Variants in PPP2R2B observed in about 807,000 individuals in gnomAD.
The protein encoded by PPP2R2B is protein phosphatase 2 regulatory subunit Bbeta.
Under a neutral mutation model 46.0 loss-of-function variants are expected in PPP2R2B, and 5 were observed. The ratio of observed to expected loss-of-function variants is 0.11; its 90% CI spans 0.06 to 0.23. The LOEUF is 0.23. Ranked by LOEUF, PPP2R2B falls within the 10% of genes least tolerant of loss-of-function variation. The pLI is 1.00. For missense variants in PPP2R2B, 367 were observed against 575.0 expected (o/e 0.64, Z 3.70); for synonymous variants, 215 against 206.7 (o/e 1.04, Z -0.34).
At chr5:146,797,371 C>T (rs1756604017) in intron 2 of PPP2R2B, among the ~76,000 whole-genome samples, 2 of 152,292 alleles carry the variant, frequency 1.3e-5, no homozygotes, top group Admixed American at 6.5e-5. Flanking sequence ...TTTGATTATG[C>T]AGTGGTTTTG....
At chr5:146,848,147 T>TA (rs1222152204) in intron 2 of PPP2R2B, among the ~76,000 whole-genome samples, 3 of 152,204 alleles carry the variant, frequency 2.0e-5, no homozygotes, top group Non-Finnish European at 4.4e-5. Flanking sequence ...TAGTTTTTTT[T>TA]ATCTTATTAA....
At chr5:146,910,623 C>T (rs1027571553) in intron 1 of PPP2R2B, among the ~76,000 whole-genome samples, 9 of 152,170 alleles carry the variant, frequency 5.9e-5, no homozygotes, top group Admixed American at 5.2e-4. Flanking sequence ...AAATAATTCA[C>T]TTAAGCACTT....
chr5:146,692,650 C>T (rs1011484625), intron 4 of PPP2R2B, among the ~76,000 whole-genome samples: 13 of 150,960 alleles, frequency 8.6e-5, no homozygotes, highest in African/African-American at 3.2e-4. Context: ...TCTCCTACCT[C>T]AGCCTCCTGA....
At chr5:146,892,993 C>T (rs561491126) in intron 1 of PPP2R2B, among the ~76,000 whole-genome samples, 138 of 152,228 alleles carry the variant, frequency 9.1e-4, no homozygotes, top group Non-Finnish European at 1.7e-3. Flanking sequence ...TTTCTGTCAC[C>T]CCTTTCACAA....
At chr5:146,723,799 T>C (rs921912525) in intron 2 of PPP2R2B, among the ~76,000 whole-genome samples, 1 of 152,092 alleles carries the variant, frequency 6.6e-6, no homozygotes, top group African/African-American at 2.4e-5. Context: ...TTTCTTACCC[T>C]AAATGTTTAT....
intron 1 of PPP2R2B, among the ~76,000 whole-genome samples, chr5:146,993,839 T>C (rs1753809466): frequency 1.3e-5 from 2 of 152,072 alleles, no homozygotes; most frequent in African/African-American, 4.8e-5. Flanking sequence ...AAGTCACATA[T>C]AAACTAGATT....
chr5:146,764,156 T>A (rs1305967416), intron 2 of PPP2R2B, among the ~76,000 whole-genome samples: 1 of 152,090 alleles, frequency 6.6e-6, no homozygotes, highest in African/African-American at 2.4e-5. Context: ...AAGGACTTCA[T>A]GGAGCCAGCC....
At chr5:146,896,217 T>C (rs1384166232) in intron 1 of PPP2R2B, among the ~76,000 whole-genome samples, 1 of 152,202 alleles carries the variant, frequency 6.6e-6, no homozygotes, top group East Asian at 1.9e-4. Flanking sequence ...CATAATCAAA[T>C]CATCCACAAT....
At chr5:146,914,764 A>T (rs1763317629) in intron 1 of PPP2R2B, among the ~76,000 whole-genome samples, 1 of 152,232 alleles carries the variant, frequency 6.6e-6, no homozygotes, top group African/African-American at 2.4e-5. Context: ...TTCTTTGGCT[A>T]CATAATGTAG....
chr5:147,066,458 A>C (rs1580877974), intron 2 of PPP2R2B, among the ~76,000 whole-genome samples: 1 of 152,310 alleles, frequency 6.6e-6, no homozygotes, highest in East Asian at 1.9e-4. Context: ...ATACTCATAT[A>C]GCAGATTTGC....
chr5:147,027,520 C>T (rs559033398), intron 1 of PPP2R2B, among the ~76,000 whole-genome samples: 1 of 151,842 alleles, frequency 6.6e-6, no homozygotes, highest in Admixed American at 6.6e-5. Flanking sequence ...GCAATCCCAG[C>T]TACTTTGGAG....
At chr5:147,003,925 A>G (rs1027899186) in intron 1 of PPP2R2B, among the ~76,000 whole-genome samples, 1 of 152,164 alleles carries the variant, frequency 6.6e-6, no homozygotes, top group Admixed American at 6.5e-5. Flanking sequence ...AGATAAATTT[A>G]TTACCCAATC....
At chr5:146,849,481 G>T (rs1473824446) in intron 2 of PPP2R2B, among the ~76,000 whole-genome samples, 4 of 152,118 alleles carry the variant, frequency 2.6e-5, no homozygotes, top group African/African-American at 9.7e-5. Context: ...CCCAAGTATA[G>T]TGCTTGGCAC....
In PPP2R2B at chr5:146,889,642, C is replaced by A. The variant is rs183146350; in HGVS notation, c.79+166023G>T. 1.1e-4 allele frequency among the ~76,000 whole-genome samples: 16 copies of A among 152,222 alleles called. No homozygotes were observed. In the East Asian group the frequency reaches 3.1e-3, roughly 29 times the overall value. On this transcript the variant is annotated intron_variant, in intron 1 of 8. Transcript: ENST00000336640. Reference sequence around the variant, plus strand: ...CTCCCAGGCTTTGCCTTATGCATCTCTTTCTTTGGTTTATTTTAATCTGTA... The same window carrying A: ...CTCCCAGGCTTTGCCTTATGCATCTATTTCTTTGGTTTATTTTAATCTGTA...
At chr5:146,931,664 TG>T (rs1763974066) in intron 1 of PPP2R2B, among the ~76,000 whole-genome samples, 1 of 152,148 alleles carries the variant, frequency 6.6e-6, no homozygotes. Flanking sequence ...TTAGCAGGTA[TG>T]GGAAAAACCT....
At chr5:146,978,046 T>C (rs1752998932) in intron 1 of PPP2R2B, among the ~76,000 whole-genome samples, 1 of 152,216 alleles carries the variant, frequency 6.6e-6, no homozygotes, top group Non-Finnish European at 1.5e-5. Flanking sequence ...TGTTGTTTCC[T>C]GACTTTTTAA....
intron 2 of PPP2R2B, among the ~76,000 whole-genome samples, chr5:146,848,618 T>A (rs1468178757): frequency 6.6e-6 from 1 of 152,118 alleles, no homozygotes; most frequent in Non-Finnish European, 1.5e-5. Flanking sequence ...GGTACCTATA[T>A]CAACATGCCT....
chr5:146,976,158 G>T (rs2086374), intron 1 of PPP2R2B, among the ~76,000 whole-genome samples: 70,949 of 146,734 alleles, frequency 0.48, 18,368 homozygotes, highest in Middle Eastern at 0.61. Context: ...TTATTTCTGA[G>T]ACACAGTCGT....
At chr5:146,958,867 A>G (rs1021786702) in intron 1 of PPP2R2B, among the ~76,000 whole-genome samples, 2 of 152,210 alleles carry the variant, frequency 1.3e-5, no homozygotes, top group Non-Finnish European at 2.9e-5. Context: ...AAACTTATGC[A>G]ATAGGTTCTA....
Sources: gnomAD v4.1 joint callset for allele counts (sites outside exome capture counted in the v4.1 genomes callset) on GRCh38, gnomAD v4.1.1 for gene constraint, MANE v1.5 for transcripts, NCBI Gene and HGNC (gene_info 2026-07-23, HGNC 2026-07-21) for gene names.